Variants in PPCDC observed in about 807,000 individuals in gnomAD.
PPCDC encodes the protein phosphopantothenoylcysteine decarboxylase.
PPCDC carries 20 observed loss-of-function variants against 20.7 expected under a neutral mutation model. The ratio of observed to expected loss-of-function variants is 0.97; its 90% CI spans 0.68 to 1.41. The LOEUF (loss-of-function observed/expected upper bound fraction) is 1.41, where lower values mean the gene tolerates loss of function less well. PPCDC is among the 40% of genes most tolerant of loss of function. PPCDC has a pLI of 0.00. For missense variants in PPCDC, 246 were observed against 263.8 expected, an observed-to-expected ratio of 0.93 and a Z score of 0.47; for synonymous variants, 88 against 100.3, an observed-to-expected ratio of 0.88 and a Z score of 0.73.
intron 1 of PPCDC, among the ~76,000 whole-genome samples, chr15:75,026,063 A>G (rs1481879179): frequency 6.6e-6 from 1 of 152,166 alleles, no homozygotes; most frequent in Admixed American, 6.5e-5. Context: ...GAAGTCACTA[A>G]TACAGATTCC....
chr15:75,035,963 CAAAA>C (rs11306068), intron 2 of PPCDC, among the ~76,000 whole-genome samples: 7 of 105,114 alleles, frequency 6.7e-5, no homozygotes, highest in Admixed American at 9.7e-5. Context: ...GACTGTGTCT[CAAAA>C]AAAAAAAAAA....
chr15:75,031,927 C>T (rs2066026535), intron 2 of PPCDC, among the ~76,000 whole-genome samples: 1 of 151,980 alleles, frequency 6.6e-6, no homozygotes. Flanking sequence ...TCTTGTTAGG[C>T]AGATAAAAAC....
chr15:75,037,616 G>A (rs543319797), intron 2 of PPCDC, among the ~76,000 whole-genome samples: 34 of 152,172 alleles, frequency 2.2e-4, no homozygotes, highest in African/African-American at 2.4e-4. Context: ...GCATGGTGGC[G>A]CATGCCTGTA....
At position 75,050,053 on chromosome 15, in the gene PPCDC, A is replaced by G. The variant is rs974349587; in HGVS notation, c.*818A>G. The G allele has an allele frequency of 4.6e-5, 7 of 152,214 alleles. 1 individual carries two copies. The highest frequency in any genetic ancestry group is 1.3e-4 in the Admixed American group (2 of 15,282). The allele number at this position is 152,214 out of a possible 1,614,324, so 9.4% of individuals were successfully genotyped here. A position where few individuals can be genotyped will look rare whatever the true frequency, so the allele number is the denominator to read the frequency against. The stretch of plus-strand genomic sequence containing the variant: ...GTGAAATTTTGTGTGCAGAATACCC[A>G]TGCCACTGAGTGCCTGGAACGTAGT... On this transcript the variant is annotated 3_prime_UTR_variant, in exon 6 of 6. Coordinates refer to ENST00000342932, the MANE Select transcript of PPCDC (RefSeq NM_021823.5).
intron 5 of PPCDC, 60 bp from the exon 6 acceptor site, chr15:75,049,082 ATGGGCAGG>A: frequency 7.0e-7 from 1 of 1,428,220 alleles, no homozygotes; most frequent in Non-Finnish European, 9.9e-7. Context: ...ACTTGGAGCA[ATGGGCAGG>A]GGTCTGCAGG....
At chr15:75,036,455 G>T (rs565343957) in intron 2 of PPCDC, among the ~76,000 whole-genome samples, 1 of 152,202 alleles carries the variant, frequency 6.6e-6, no homozygotes, top group African/African-American at 2.4e-5. Flanking sequence ...AGGAGAGTCA[G>T]CTGCTTCAGT....
chr15:75,043,537 G>T lies in PPCDC; in HGVS notation c.231+1G>T. 6.2e-7 allele frequency: 1 copy of T among 1,605,500 alleles called. No homozygotes were observed. The highest frequency in any genetic ancestry group is 8.5e-7 in the Non-Finnish European group (1 of 1,175,362). ...CTACAGCGACGCTGATGAATGGGAG[G>T]TCAGTGCTGGGGCCCCTGGGCTGAG... On this transcript the variant is annotated splice_donor_variant, in intron 3 of 5. Transcript: ENST00000342932. LOFTEE classifies it high-confidence loss of function.
At chr15:75,024,354 C>CT (rs879858358) in intron 1 of PPCDC, among the ~76,000 whole-genome samples, 90 of 147,668 alleles carry the variant, frequency 6.1e-4, no homozygotes, top group East Asian at 2.2e-3. Context: ...TTGCTGTATA[C>CT]TTTTTTTTTT....
At chr15:75,044,060 C>T (rs553474241) in intron 3 of PPCDC, among the ~76,000 whole-genome samples, 22 of 136,130 alleles carry the variant, frequency 1.6e-4, no homozygotes, top group Middle Eastern at 3.6e-3. Context: ...CTCACTGCCC[C>T]GGAGCTTTCC....
rs756002122 is a variant in PPCDC, at chr15:75,028,380, T to C, written c.62T>C (p.Leu21Pro). Residue 21 changes from leucine to proline, a missense_variant, in exon 2 of 6, where the codon CTT becomes CCT. Physicochemically the swap from Leu to Pro is moderately conservative, Grantham distance 98. This residue lies in a region of PPCDC where 225 missense variants were observed against 222.6 expected (regional missense o/e 1.01). Coordinates refer to ENST00000342932, the MANE Select transcript of PPCDC (RefSeq NM_021823.5). ...APLMERKFHV[L>P]VGVTGSVAAL... Reference sequence around the variant, plus strand: ...TTGATGGAGAGAAAATTCCATGTTCTTGTGGGTGTCACGGGGAGTGTCGCA... The same window carrying C: ...TTGATGGAGAGAAAATTCCATGTTCCTGTGGGTGTCACGGGGAGTGTCGCA... The C allele has an allele frequency of 6.2e-7, 1 of 1,614,240 alleles. No homozygotes were observed. The highest frequency in any genetic ancestry group is 8.5e-7 in the Non-Finnish European group (1 of 1,180,040).
intron 2 of PPCDC, among the ~76,000 whole-genome samples, chr15:75,042,763 T>G (rs866595373): frequency 5.9e-5 from 9 of 152,264 alleles, no homozygotes; most frequent in South Asian, 4.1e-4. Flanking sequence ...TTAAGCAGAT[T>G]GCAGGCAGCC....
At position 75,044,530 on chromosome 15, in the gene PPCDC, G is replaced by A; in HGVS notation, c.360+16G>A. 1.2e-6 allele frequency: 2 copies of A among 1,611,884 alleles called. No homozygotes were observed. The highest frequency in any genetic ancestry group is 1.1e-5 in the South Asian group (1 of 90,844). On this transcript the variant is annotated intron_variant, in intron 4 of 5. Coordinates refer to ENST00000342932, the MANE Select transcript of PPCDC (RefSeq NM_021823.5). ...CAACTTGCTTGTGAGTGATGTCCTG[G>A]TGCCCTCGTCCGTCCCTGGGCCTCA...
intron 2 of PPCDC, among the ~76,000 whole-genome samples, chr15:75,036,105 C>A (rs1416317060): frequency 6.6e-6 from 1 of 152,098 alleles, no homozygotes; most frequent in Non-Finnish European, 1.5e-5. Flanking sequence ...CCAGGACCCA[C>A]AAAGGTGTAA....
chr15:75,030,031 G>A (rs2066003325), intron 2 of PPCDC, among the ~76,000 whole-genome samples: 1 of 152,196 alleles, frequency 6.6e-6, no homozygotes, highest in African/African-American at 2.4e-5. Flanking sequence ...CCACCCCAGG[G>A]CCTTTTAGCC....
intron 4 of PPCDC, 44 bp from the exon 5 acceptor site, chr15:75,048,509 C>T: frequency 6.3e-7 from 1 of 1,592,782 alleles, no homozygotes; most frequent in South Asian, 1.1e-5. Context: ...GGGAGGGTGG[C>T]AGACAGAGTA....
rs1285423685 is a variant in PPCDC, at chr15:75,028,433, A to G, written c.115A>G (p.Lys39Glu). ...CCTGAAGTTGCCTCTTCTGGTGTCAAAGCTTTTGGACATTCCTGGGGTGAG... is the reference window on the plus strand; with the variant it reads ...CCTGAAGTTGCCTCTTCTGGTGTCAGAGCTTTTGGACATTCCTGGGGTGAG... ...AALKLPLLVS[K>E]LLDIPGLEVA... The change falls in exon 2 of 6, where the codon AAG (lysine) becomes GAG (glutamate). Residue 39 changes from lysine to glutamate, a missense_variant. Lys to Glu is a moderately conservative substitution (Grantham distance 56). Transcript: ENST00000342932. 6 of 1,614,040 alleles carry G rather than the reference A, an allele frequency of 3.7e-6. No homozygotes were observed. Among genetic ancestry groups the G allele is most frequent in the Non-Finnish European group, 5.1e-6 (6 of 1,180,038 alleles).
At chr15:75,049,104 A>G (rs772466545) in intron 5 of PPCDC, 46 bp from the exon 6 acceptor site, 9 of 1,537,958 alleles carry the variant, frequency 5.9e-6, no homozygotes, top group African/African-American at 1.4e-5. Context: ...CTGCAGGGCT[A>G]CAGGCACTGT....
intron 5 of PPCDC, 149 bp from the exon 6 acceptor site, chr15:75,049,001 G>A: frequency 6.1e-6 from 5 of 817,518 alleles, no homozygotes; most frequent in Non-Finnish European, 9.9e-6. Context: ...GGGGTCTTGG[G>A]AGAGATCTGA....
chr15:75,028,510 C>G, intron 2 of PPCDC, 57 bp downstream of exon 2: 1 of 1,604,060 alleles, frequency 6.2e-7, no homozygotes, highest in Non-Finnish European at 8.5e-7. Context: ...CCGGTGCTCC[C>G]GGGGATGGCC....
Sources: allele counts gnomAD v4.1 joint callset (sites outside exome capture counted in the v4.1 genomes callset), GRCh38; gene constraint gnomAD v4.1.1; regional missense constraint gnomAD v4.1.1; transcripts MANE v1.5; gene names NCBI Gene and HGNC (gene_info 2026-07-23, HGNC 2026-07-21).